Variants in ZFPM1 observed in about 807,000 individuals in gnomAD.
ZFPM1 encodes zinc finger protein ZFPM1.
In ZFPM1, 28 loss-of-function variants were observed where a neutral mutation model predicts 46.3. The ratio of observed to expected loss-of-function variants is 0.60; its 90% confidence interval spans 0.45 to 0.83. The LOEUF is 0.83. ZFPM1 is among the 40% of genes least tolerant of loss of function. The pLI is 0.00. For missense variants in ZFPM1, 1,878 were observed against 1,432.4 expected, an observed-to-expected ratio of 1.31 and a Z score of -5.02; for synonymous variants, 957 against 675.9, an observed-to-expected ratio of 1.42 and a Z score of -6.45.
At chr16:88,488,902 ATGGGGG>A in intron 2 of ZFPM1, 123 bp from the exon 3 acceptor site, 1 of 1,402,638 alleles carries the variant, frequency 7.1e-7, no homozygotes, top group Non-Finnish European at 9.5e-7. Flanking sequence ...GCACCAGGAG[ATGGGGG>A]TGGCTCTGGG....
At chr16:88,517,556 G>A (rs987285021) in intron 4 of ZFPM1, among the ~76,000 whole-genome samples, 1 of 149,094 alleles carries the variant, frequency 6.7e-6, no homozygotes, top group African/African-American at 2.5e-5. Context: ...GGGTGAGTGG[G>A]TGAAGGAGGG....
intron 2 of ZFPM1, among the ~76,000 whole-genome samples, chr16:88,488,729 C>T (rs976608926): frequency 5.3e-5 from 8 of 152,166 alleles, no homozygotes; most frequent in Admixed American, 1.3e-4. Context: ...GAGCTGGCGA[C>T]GGCGCATGTG....
chr16:88,460,235 C>T (rs1193660040), intron 1 of ZFPM1, among the ~76,000 whole-genome samples: 7 of 152,158 alleles, frequency 4.6e-5, no homozygotes, highest in Non-Finnish European at 4.4e-5. Flanking sequence ...GGCAGCCAAG[C>T]GAGAGGCCCA....
At position 88,466,391 on chromosome 16, in the gene ZFPM1, G is replaced by A. The variant is rs1029618261; in HGVS notation, c.40+12713G>A. ...CTCACCCAAGATCACACAGCATGAA[G>A]AGAACAGAAGGGACCCTGGCTTCTG... is the stretch of plus-strand genomic sequence containing the variant. On this transcript the variant is annotated intron_variant, in intron 1 of 9. Coordinates refer to ENST00000319555, the MANE Select transcript of ZFPM1 (RefSeq NM_153813.3). Among the ~76,000 whole-genome samples the A allele has an allele frequency of 5.3e-5, 8 of 152,366 alleles. No individual in the cohort carries two copies. In the East Asian group the frequency reaches 1.5e-3, roughly 29 times the overall value.
At chr16:88,478,199 C>T (rs936521151) in intron 1 of ZFPM1, among the ~76,000 whole-genome samples, 1 of 152,226 alleles carries the variant, frequency 6.6e-6, no homozygotes, top group Non-Finnish European at 1.5e-5. Flanking sequence ...AGGCCACGTC[C>T]CCAGCCTGCC....
intron 4 of ZFPM1, among the ~76,000 whole-genome samples, chr16:88,518,006 C>A (rs971088188): frequency 4.6e-5 from 7 of 151,794 alleles, no homozygotes; most frequent in Admixed American, 4.6e-4. Context: ...GTCAGGAGAT[C>A]GAGACCATCC....
At chr16:88,499,672 G>C (rs1311064085) in intron 3 of ZFPM1, among the ~76,000 whole-genome samples, 1 of 152,222 alleles carries the variant, frequency 6.6e-6, no homozygotes, top group Non-Finnish European at 1.5e-5. Flanking sequence ...AGGGAGATCT[G>C]AGAAAGGGCT....
At chr16:88,494,457 G>A (rs1405752470) in intron 3 of ZFPM1, among the ~76,000 whole-genome samples, 4 of 152,162 alleles carry the variant, frequency 2.6e-5, no homozygotes, top group Non-Finnish European at 5.9e-5. Flanking sequence ...GCCGGGGTGA[G>A]AGGCCGCGGG....
chr16:88,529,849 T>G (rs1046518880), intron 6 of ZFPM1, among the ~76,000 whole-genome samples: 2 of 152,152 alleles, frequency 1.3e-5, no homozygotes, highest in African/African-American at 4.8e-5. Flanking sequence ...GATGGGCTTG[T>G]GTGCCTGGTA....
At chr16:88,502,062 C>G (rs1389414482) in intron 3 of ZFPM1, among the ~76,000 whole-genome samples, 2 of 132,316 alleles carry the variant, frequency 1.5e-5, no homozygotes, top group African/African-American at 5.6e-5. Context: ...ACCCGCCCCC[C>G]CCCATTTATT....
At chr16:88,472,134 C>T (rs1350835891) in intron 1 of ZFPM1, among the ~76,000 whole-genome samples, 4 of 152,140 alleles carry the variant, frequency 2.6e-5, no homozygotes, top group Non-Finnish European at 4.4e-5. Context: ...GTGGAGGGGG[C>T]GCAGGGCTGA....
chr16:88,524,710 C>T (rs1417287833), intron 4 of ZFPM1, among the ~76,000 whole-genome samples: 1 of 152,218 alleles, frequency 6.6e-6, no homozygotes, highest in Non-Finnish European at 1.5e-5. Context: ...CGGGAGGAAA[C>T]TGAGTCAAAG....
chr16:88,496,965 C>T (rs1276289973), intron 3 of ZFPM1, among the ~76,000 whole-genome samples: 2 of 152,104 alleles, frequency 1.3e-5, no homozygotes, highest in African/African-American at 4.8e-5. Context: ...TTGGGCAGCG[C>T]TGCCTGTGGG....
chr16:88,486,387 A>G (rs1194160848), intron 2 of ZFPM1, among the ~76,000 whole-genome samples: 1 of 152,226 alleles, frequency 6.6e-6, no homozygotes, highest in African/African-American at 2.4e-5. Flanking sequence ...AGTGGGGACC[A>G]TGAGGCCCCC....
Position 88,453,531 on chromosome 16 carries a change from G to A in ZFPM1, c.-108G>A. On this transcript the variant is annotated 5_prime_UTR_variant, in exon 1 of 10. Coordinates refer to ENST00000319555, the MANE Select transcript of ZFPM1 (RefSeq NM_153813.3). ...GCGGGCCGGGGCGGCCGCGGAGACC[G>A]GGGGCCGGGGGCATGAGCGGCCCCG... The A allele has an allele frequency of 2.1e-6, 1 of 475,826 alleles. No individual in the cohort carries two copies. The highest frequency in any genetic ancestry group is 2.7e-6 in the Non-Finnish European group (1 of 367,932). 29.5% of individuals were successfully genotyped at this position (475,826 alleles called of 1,614,324 possible). A position where few individuals can be genotyped will look rare whatever the true frequency, so the allele number is the denominator to read the frequency against.
At chr16:88,529,835 G>C (rs936456410) in intron 6 of ZFPM1, among the ~76,000 whole-genome samples, 2 of 152,250 alleles carry the variant, frequency 1.3e-5, no homozygotes, top group Non-Finnish European at 2.9e-5. Context: ...GCTGGCCAGA[G>C]GGGGATGGGC....
rs191125975 is a variant in ZFPM1, at chr16:88,493,357, G to A, written c.268+4204G>A. ...CCGGGGTGGGGAGACCTGTCCCGGG[G>A]TGGGGAGAGCTGTCCCGGGGTGGGG... On this transcript the variant is annotated intron_variant, in intron 3 of 9. Coordinates refer to ENST00000319555, the MANE Select transcript of ZFPM1 (RefSeq NM_153813.3). Among the ~76,000 whole-genome samples the A allele has an allele frequency of 1.1e-3, 163 of 145,934 alleles. 1 individual carries two copies. Among genetic ancestry groups the A allele is most frequent in the African/African-American group, 4.0e-3 (156 of 38,848 alleles).
At chr16:88,475,073 C>T (rs1908612246) in intron 1 of ZFPM1, among the ~76,000 whole-genome samples, 1 of 152,250 alleles carries the variant, frequency 6.6e-6, no homozygotes, top group South Asian at 2.1e-4. Flanking sequence ...TGTGCTTGAT[C>T]CTGGCAGAGC....
rs1188870578 is a variant in ZFPM1 at position 88,536,278 on chromosome 16, C to A, written c.*1299C>A. On this transcript the variant is annotated 3_prime_UTR_variant, in exon 10 of 10. Coordinates refer to ENST00000319555, the MANE Select transcript of ZFPM1 (RefSeq NM_153813.3). ...CCTCAAACTCCTGAGCTGAAACCAT[C>A]TTCCTGCCTCAGCCTCCCAAGTAGC... The A allele has an allele frequency of 6.6e-6, 1 of 152,218 alleles. No homozygotes were observed. Among genetic ancestry groups the A allele is most frequent in the African/African-American group, 2.4e-5 (1 of 41,456 alleles). 9.4% of individuals were successfully genotyped at this position (152,218 alleles called of 1,614,324 possible).
Sources: gnomAD v4.1 joint callset for allele counts (sites outside exome capture counted in the v4.1 genomes callset) on GRCh38, gnomAD v4.1.1 for gene constraint, MANE v1.5 for transcripts, NCBI Gene and HGNC (gene_info 2026-07-23, HGNC 2026-07-21) for gene names.